Variants in ZC3H12B observed in about 807,000 individuals in gnomAD.
The protein encoded by ZC3H12B is zinc finger CCCH-type containing 12B.
Under a neutral mutation model 43.9 loss-of-function variants are expected in ZC3H12B, and 7 were observed. The ratio of observed to expected loss-of-function variants is 0.16; its 90% confidence interval spans 0.09 to 0.30. The LOEUF is 0.30. Among genes scored for constraint, ZC3H12B ranks in the 10% least tolerant of loss-of-function variants. The pLI is 1.00. For missense variants in ZC3H12B, 475 were observed against 670.2 expected, an observed-to-expected ratio of 0.71 and a Z score of 3.22; for synonymous variants, 222 against 241.7, an observed-to-expected ratio of 0.92 and a Z score of 0.76.
the ZC3H12B span, among the ~76,000 whole-genome samples, chrX:65,279,430 G>A: frequency 2.8e-5 from 3 of 108,852 alleles, no homozygotes; most frequent in Non-Finnish European, 5.7e-5. Flanking sequence ...TTGGCCACAT[G>A]TATGTCTTTG....
the ZC3H12B span, among the ~76,000 whole-genome samples, chrX:65,077,081 G>A: frequency 1.8e-5 from 2 of 111,615 alleles, no homozygotes; most frequent in Non-Finnish European, 3.8e-5. Context: ...TTAGAATATA[G>A]GTTCTGGCCT....
intron 3 of ZC3H12B, among the ~76,000 whole-genome samples, chrX:65,418,433 G>T (rs763314212): frequency 7.2e-4 from 80 of 111,456 alleles, no homozygotes; most frequent in African/African-American, 2.5e-3. Context: ...CTTCTCTGTA[G>T]GCCAGACCTT....
the ZC3H12B span, among the ~76,000 whole-genome samples, chrX:65,256,373 A>G: frequency 9.8e-6 from 1 of 101,867 alleles, no homozygotes; most frequent in Non-Finnish European, 1.9e-5. Context: ...ATAGAAATCA[A>G]TAATAAGAAA....
At chrX:65,389,325 C>T (rs996634876) in intron 2 of ZC3H12B, among the ~76,000 whole-genome samples, 6 of 112,110 alleles carry the variant, frequency 5.4e-5, no homozygotes, top group Admixed American at 1.9e-4. Context: ...CTACTCAAGC[C>T]TCGGCAATGG....
the ZC3H12B span, among the ~76,000 whole-genome samples, chrX:65,226,661 G>T: frequency 9.0e-6 from 1 of 110,512 alleles, no homozygotes; most frequent in Non-Finnish European, 1.9e-5. Context: ...GACACACATA[G>T]ACTCAAAATA....
the ZC3H12B span, among the ~76,000 whole-genome samples, chrX:65,206,847 A>G: frequency 1.8e-5 from 2 of 111,175 alleles, no homozygotes; most frequent in East Asian, 5.6e-4. Context: ...TGGGCTAAGG[A>G]CATGAAGAGA....
chrX:65,283,672 G>A, the ZC3H12B span, among the ~76,000 whole-genome samples: 2 of 111,730 alleles, frequency 1.8e-5, no homozygotes, highest in East Asian at 2.8e-4. Context: ...GCTCCAGGAA[G>A]GGAGCTAGCA....
chrX:65,256,973 G>A, the ZC3H12B span, among the ~76,000 whole-genome samples: 3 of 112,126 alleles, frequency 2.7e-5, no homozygotes, highest in Admixed American at 2.8e-4. Flanking sequence ...GAGAGGATGT[G>A]GAGAAATAGG....
chrX:65,460,150 T>G (rs772771118), intron 3 of ZC3H12B, among the ~76,000 whole-genome samples: 3 of 111,430 alleles, frequency 2.7e-5, no homozygotes, highest in Admixed American at 1.9e-4. Flanking sequence ...CCAACTTACA[T>G]GGGATGTGAA....
upstream of ZC3H12B, among the ~76,000 whole-genome samples, chrX:65,486,283 A>G (rs1238558846): frequency 2.7e-5 from 3 of 112,183 alleles, no homozygotes; most frequent in Admixed American, 9.5e-5. Flanking sequence ...TGTAATTGAA[A>G]TATTCATCTT....
chrX:65,255,045 C>T, the ZC3H12B span, among the ~76,000 whole-genome samples: 1 of 111,487 alleles, frequency 9.0e-6, no homozygotes, highest in Non-Finnish European at 1.9e-5. Context: ...ATAAACACCT[C>T]TGAGAAATAT....
chrX:65,197,191 C>A, the ZC3H12B span, among the ~76,000 whole-genome samples: 1 of 111,807 alleles, frequency 8.9e-6, no homozygotes, highest in Non-Finnish European at 1.9e-5. Flanking sequence ...CCGCCCTGGC[C>A]GGCAACAGCC....
chrX:65,264,535 T>TA, the ZC3H12B span, among the ~76,000 whole-genome samples: 7 of 112,068 alleles, frequency 6.2e-5, no homozygotes, highest in South Asian at 2.2e-3. Flanking sequence ...CAGACATAGA[T>TA]AAAAAAATTA....
the ZC3H12B span, among the ~76,000 whole-genome samples, chrX:65,303,163 A>C: frequency 1.6e-4 from 18 of 111,444 alleles, no homozygotes; most frequent in African/African-American, 5.5e-4. Context: ...ACTTCATTTA[A>C]ATTAAAAACT....
the ZC3H12B span, among the ~76,000 whole-genome samples, chrX:65,345,053 T>A: frequency 1.8e-5 from 2 of 112,236 alleles, no homozygotes; most frequent in Middle Eastern, 9.2e-3. Context: ...AAATAACAGA[T>A]GCTGCTGAGA....
At chrX:65,384,184 CA>C (rs2066487326) in intron 2 of ZC3H12B, among the ~76,000 whole-genome samples, 1 of 101,652 alleles carries the variant, frequency 9.8e-6, no homozygotes, top group Non-Finnish European at 2.0e-5. Flanking sequence ...GAATACTATG[CA>C]GCCATAAAAA....
the ZC3H12B span, among the ~76,000 whole-genome samples, chrX:65,280,809 C>A: frequency 9.0e-6 from 1 of 111,143 alleles, no homozygotes; most frequent in Non-Finnish European, 1.9e-5. Context: ...AAATAAAATA[C>A]CTAGGAATAA....
chrX:65,400,489 A>G (rs1352389487), intron 3 of ZC3H12B, among the ~76,000 whole-genome samples: 1 of 112,110 alleles, frequency 8.9e-6, no homozygotes, highest in Non-Finnish European at 1.9e-5. Flanking sequence ...CAGTAATGCT[A>G]CAGATTTTTC....
the ZC3H12B span, among the ~76,000 whole-genome samples, chrX:65,087,016 G>A: frequency 9.1e-6 from 1 of 110,009 alleles, no homozygotes; most frequent in Non-Finnish European, 1.9e-5. Context: ...ATCCTGCTTG[G>A]GTTCTGATGC....
Sources: gnomAD v4.1 joint callset for allele counts (sites outside exome capture counted in the v4.1 genomes callset) on GRCh38, gnomAD v4.1.1 for gene constraint, MANE v1.5 for transcripts, NCBI Gene and HGNC (gene_info 2026-07-23, HGNC 2026-07-21) for gene names.